PCDH9: variants seen among roughly 807,000 people sequenced by gnomAD.
The protein encoded by PCDH9 is protocadherin-9.
Under a neutral mutation model 70.6 loss-of-function variants are expected in PCDH9, and 24 were observed. That is an observed-to-expected ratio of 0.34 (90% confidence interval 0.25 to 0.48). The LOEUF is 0.48. Among genes scored for constraint, PCDH9 ranks in the 20% least tolerant of loss-of-function variants. PCDH9 has a pLI of 0.99. For synonymous variants in PCDH9, 562 were observed against 558.5 expected, an observed-to-expected ratio of 1.01 and a Z score of -0.09; for missense variants, 1,281 against 1,503.6, an observed-to-expected ratio of 0.85 and a Z score of 2.45.
chr13:67,184,535 C>A (rs978378551), intron 2 of PCDH9, among the ~76,000 whole-genome samples: 2 of 152,076 alleles, frequency 1.3e-5, no homozygotes, highest in Non-Finnish European at 2.9e-5. Context: ...TCAAGACCAG[C>A]CAGAGCAATA....
At chr13:66,874,171 T>C (rs79035299) in intron 3 of PCDH9, among the ~76,000 whole-genome samples, 6,483 of 152,114 alleles carry the variant, frequency 0.043, 469 homozygotes, top group African/African-American at 0.15. Flanking sequence ...TCCTGAGCAT[T>C]TCTTAATCTG....
chr13:66,718,419 G>A (rs1352650246), intron 3 of PCDH9, among the ~76,000 whole-genome samples: 2 of 151,980 alleles, frequency 1.3e-5, no homozygotes, highest in South Asian at 2.1e-4. Flanking sequence ...GTTGAGGGGG[G>A]ATTTCAATGT....
chr13:66,571,521 C>CT (rs951646776), intron 4 of PCDH9, among the ~76,000 whole-genome samples: 82 of 148,322 alleles, frequency 5.5e-4, no homozygotes, highest in Admixed American at 1.4e-3. Flanking sequence ...CACTAATGTT[C>CT]TTTTTTTTTT....
chr13:67,228,554 A>C lies in PCDH9; in HGVS notation c.-114T>G. 5.8e-4 allele frequency: 452 copies of C among 774,890 alleles called. No individual in the cohort carries two copies. The highest frequency in any genetic ancestry group is 8.0e-4 in the Non-Finnish European group (401 of 502,316). 48.0% of individuals were successfully genotyped at this position (774,890 alleles called of 1,614,324 possible). A position where few individuals can be genotyped will look rare whatever the true frequency, so the allele number is the denominator to read the frequency against. On this transcript the variant is annotated 5_prime_UTR_variant, in exon 2 of 5. The change abolishes an upstream ATG in the 5' untranslated region. Transcript: ENST00000377865. ...TGGACTGGAGGATGCATTATATCTC[A>C]TCACTTATTTGGAGACAGCCGCTGT...
intron 3 of PCDH9, among the ~76,000 whole-genome samples, chr13:66,700,945 T>C (rs1484990944): frequency 3.0e-5 from 4 of 132,300 alleles, no homozygotes; most frequent in African/African-American, 5.7e-5. Context: ...TATATATATA[T>C]ATATATATAT....
At chr13:67,129,212 AAAG>A (rs2087049647) in intron 2 of PCDH9, among the ~76,000 whole-genome samples, 1 of 152,284 alleles carries the variant, frequency 6.6e-6, no homozygotes. Flanking sequence ...TTGCCTAATA[AAAG>A]AAGGAGAGAG....
intron 2 of PCDH9, among the ~76,000 whole-genome samples, chr13:67,020,962 C>A (rs75683509): frequency 0.11 from 16,557 of 152,130 alleles, 991 homozygotes; most frequent in Middle Eastern, 0.16. Context: ...TAAACAAGAC[C>A]ATTCAAACAA....
chr13:66,326,638 C>A (rs907414044), intron 4 of PCDH9, among the ~76,000 whole-genome samples: 1 of 151,992 alleles, frequency 6.6e-6, no homozygotes, highest in Non-Finnish European at 1.5e-5. Context: ...AGGCTGATCT[C>A]CAACTCCTGG....
At chr13:67,040,009 CA>C (rs1430048501) in intron 2 of PCDH9, among the ~76,000 whole-genome samples, 1 of 151,662 alleles carries the variant, frequency 6.6e-6, no homozygotes, top group Non-Finnish European at 1.5e-5. Context: ...AAAAAAAAAA[CA>C]AGCATTTGTT....
At chr13:67,029,358 C>G (rs917608077) in intron 2 of PCDH9, among the ~76,000 whole-genome samples, 1 of 152,128 alleles carries the variant, frequency 6.6e-6, no homozygotes, top group African/African-American at 2.4e-5. Context: ...TTTGCAAGTT[C>G]TCACTCTTTC....
chr13:66,993,097 C>G (rs1326856071), intron 2 of PCDH9, among the ~76,000 whole-genome samples: 1 of 152,062 alleles, frequency 6.6e-6, no homozygotes, highest in Non-Finnish European at 1.5e-5. Flanking sequence ...AGTGACTCGT[C>G]TCATGAAACA....
intron 4 of PCDH9, among the ~76,000 whole-genome samples, chr13:66,550,511 G>A (rs1961437221): frequency 6.6e-6 from 1 of 152,120 alleles, no homozygotes; most frequent in African/African-American, 2.4e-5. Context: ...TGCATGGGAT[G>A]TGTTTGACCT....
Position 67,091,321 on chromosome 13 carries a change from T to C in PCDH9, c.3036+134084A>G, listed in dbSNP as rs530933272. 4.6e-5 allele frequency among the ~76,000 whole-genome samples: 7 copies of C among 152,282 alleles called. No homozygotes were observed. In the East Asian group the frequency reaches 7.7e-4, roughly 17 times the overall value. ...TGTTTTATCTACACAAAACACTTCA[T>C]GAAAAATGCAAGAGGTGAAGCTAAT... is the stretch of plus-strand genomic sequence containing the variant. On this transcript the variant is annotated intron_variant, in intron 2 of 4. Transcript: ENST00000377865.
intron 4 of PCDH9, among the ~76,000 whole-genome samples, chr13:66,529,294 T>G (rs576525694): frequency 6.6e-6 from 1 of 152,208 alleles, no homozygotes; most frequent in African/African-American, 2.4e-5. Flanking sequence ...AGGCACAAAC[T>G]GATTCCCCAC....
chr13:66,746,225 C>G (rs533046228), intron 3 of PCDH9, among the ~76,000 whole-genome samples: 3 of 152,058 alleles, frequency 2.0e-5, no homozygotes, highest in African/African-American at 7.2e-5. Flanking sequence ...AAAAACAATG[C>G]TATGTTAATA....
intron 4 of PCDH9, among the ~76,000 whole-genome samples, chr13:66,564,623 CAG>C (rs10599334): frequency 0.27 from 41,427 of 151,810 alleles, 5,899 homozygotes; most frequent in East Asian, 0.35. Flanking sequence ...ATTTTAAAAA[CAG>C]AGAGTACCAC....
At chr13:66,360,047 T>A (rs1593855833) in intron 4 of PCDH9, among the ~76,000 whole-genome samples, 2 of 152,048 alleles carry the variant, frequency 1.3e-5, no homozygotes, top group African/African-American at 4.8e-5. Flanking sequence ...GTAAAAGACA[T>A]TTGGTCTATG....
At chr13:66,817,682 T>C (rs1172910458) in intron 3 of PCDH9, among the ~76,000 whole-genome samples, 1 of 152,140 alleles carries the variant, frequency 6.6e-6, no homozygotes. Context: ...CAGGCTGGAA[T>C]GCAGTGGCTT....
At chr13:66,701,248 G>A (rs997150246) in intron 3 of PCDH9, among the ~76,000 whole-genome samples, 2 of 151,366 alleles carry the variant, frequency 1.3e-5, no homozygotes, top group African/African-American at 4.9e-5. Flanking sequence ...TGGCTACTGT[G>A]AACAACAACC....
Sources: allele counts gnomAD v4.1 joint callset (sites outside exome capture counted in the v4.1 genomes callset), GRCh38; gene constraint gnomAD v4.1.1; transcripts MANE v1.5; gene names NCBI Gene and HGNC (gene_info 2026-07-23, HGNC 2026-07-21).